Variants in ADAT1 observed in about 807,000 individuals in gnomAD.
The protein encoded by ADAT1 is adenosine deaminase tRNA specific 1.
In ADAT1, 58 loss-of-function variants were observed where a neutral mutation model predicts 58.6. The ratio of observed to expected loss-of-function variants is 0.99; its 90% CI spans 0.80 to 1.23. The LOEUF (loss-of-function observed/expected upper bound fraction) is 1.23, where lower values mean the gene tolerates loss of function less well. ADAT1 is among the 50% of genes most tolerant of loss of function. The pLI is 0.00. For missense variants in ADAT1, 741 were observed against 608.6 expected (o/e 1.22, Z -2.29); for synonymous variants, 254 against 220.8 (o/e 1.15, Z -1.33).
chr16:75,618,720 C>G, intron 3 of ADAT1, 80 bp from the exon 4 acceptor site: 1 of 1,518,986 alleles, frequency 6.6e-7, no homozygotes, highest in Non-Finnish European at 8.9e-7. Context: ...ACACAGCAGT[C>G]CCACCAGCAC....
At chr16:75,616,006 T>G (rs549521751) in intron 5 of ADAT1, among the ~76,000 whole-genome samples, 1 of 146,080 alleles carries the variant, frequency 6.8e-6, no homozygotes, top group Non-Finnish European at 1.5e-5. Flanking sequence ...TTCTCTCTCT[T>G]TTTTTTTTTT....
At chr16:75,601,093 C>T (rs2081217914) in intron 9 of ADAT1, among the ~76,000 whole-genome samples, 1 of 152,218 alleles carries the variant, frequency 6.6e-6, no homozygotes, top group Admixed American at 6.5e-5. Context: ...GTAACCCCAG[C>T]ACTTTGGGAG....
chr16:75,608,271 G>A lies in ADAT1; in HGVS notation c.1242C>T (p.Gly414=), dbSNP rs553627874. 1 of 1,614,104 alleles carries A rather than the reference G, an allele frequency of 6.2e-7. No individual in the cohort carries two copies. The highest frequency in any genetic ancestry group is 1.1e-5 in the South Asian group (1 of 91,078). The part of the protein sequence containing the change: ...PEQPLDVTAN[G]FPQGTTKKTI... ...TTTTCTTTGTTGTTCCCTGTGGAAA[G>A]CCATTGGCAGTAACATCCAAAGGCT... The change falls in exon 8 of 10, where the codon GGC becomes GGT. Residue 414 remains glycine (G), a synonymous_variant. Coordinates refer to ENST00000564657, the MANE Select transcript of ADAT1 (RefSeq NM_001324445.2).
intron 5 of ADAT1, 101 bp downstream of exon 5, chr16:75,617,041 T>C: frequency 7.0e-7 from 1 of 1,437,868 alleles, no homozygotes. Context: ...CTGTGGCTAC[T>C]TCAGCCATTA....
chr16:75,615,936 C>A (rs563427090), intron 5 of ADAT1, among the ~76,000 whole-genome samples: 9 of 152,154 alleles, frequency 5.9e-5, no homozygotes, highest in African/African-American at 1.9e-4. Flanking sequence ...ATGAGTGCTG[C>A]CTACCTGTCA....
intron 5 of ADAT1, among the ~76,000 whole-genome samples, chr16:75,614,119 G>A (rs2081634125): frequency 1.3e-5 from 2 of 152,120 alleles, no homozygotes. Flanking sequence ...GAATCCAGGA[G>A]GTGGAGGTTG....
intron 8 of ADAT1, among the ~76,000 whole-genome samples, chr16:75,605,729 A>C (rs1255470631): frequency 6.6e-6 from 1 of 151,880 alleles, no homozygotes; most frequent in Non-Finnish European, 1.5e-5. Context: ...TGAGGTCAGG[A>C]GTTCAAGACC....
rs1343097974 is a variant in ADAT1 at position 75,611,442 on chromosome 16, G to A, written c.1043+801C>T. Among the ~76,000 whole-genome samples, 4 of 152,030 alleles carry A rather than the reference G, an allele frequency of 2.6e-5. No individual in the cohort carries two copies. In the East Asian group the frequency reaches 5.8e-4, roughly 22 times the overall value. ...GGTCTGTCACCCAGGCTGGAGTGCA[G>A]TGGAATGACCTTGGTTCACTGCAGC... On this transcript the variant is annotated intron_variant, in intron 6 of 9. Coordinates refer to ENST00000564657, the MANE Select transcript of ADAT1 (RefSeq NM_001324445.2).
chr16:75,603,282 C>G (rs764734789), intron 8 of ADAT1, 111 bp from the exon 9 acceptor site: 2 of 883,434 alleles, frequency 2.3e-6, no homozygotes, highest in Non-Finnish European at 3.6e-6. Context: ...TGCCAGAGCC[C>G]CTCATTTTCA....
At chr16:75,608,763 T>C in intron 7 of ADAT1, 80 bp downstream of exon 7, 1 of 1,529,930 alleles carries the variant, frequency 6.5e-7, no homozygotes, top group South Asian at 1.3e-5. Context: ...CTTCCTAGGC[T>C]GGGAGGATGC....
At chr16:75,603,380 G>A (rs1224530675) in intron 8 of ADAT1, among the ~76,000 whole-genome samples, 2 of 152,180 alleles carry the variant, frequency 1.3e-5, no homozygotes, top group South Asian at 2.1e-4. Context: ...AATGCCATCA[G>A]CCATGGGATC....
In ADAT1 at chr16:75,608,918, G is replaced by C; in HGVS notation, c.1114C>G (p.Leu372Val). ...QELKILQSDL[L>V]FEQSRSAVQA... ...ACCGCACTGCGGCTCTGTTCAAATA[G>C]TAAATCTGACTGCAGTATTTTTAAT... Residue 372 changes from leucine to valine, a missense_variant, in exon 7 of 10, where the codon CTA (leucine) becomes GTA (valine). Leu to Val is a conservative substitution (Grantham distance 32). Coordinates refer to ENST00000564657, the MANE Select transcript of ADAT1 (RefSeq NM_001324445.2). 1 of 1,614,206 alleles carries C rather than the reference G, an allele frequency of 6.2e-7. No individual in the cohort carries two copies. The highest frequency in any genetic ancestry group is 8.5e-7 in the Non-Finnish European group (1 of 1,180,040).
chr16:75,600,199 G>C lies in ADAT1; in HGVS notation c.*17C>G, dbSNP rs2081187342. ...TTCAGGATGAAGGGTCCTGCTACCA[G>C]AGCAAACATTTCCTTCTCACTTGAA... On this transcript the variant is annotated 3_prime_UTR_variant, in exon 10 of 10. Transcript: ENST00000564657. 1 of 1,613,830 alleles carries C rather than the reference G, an allele frequency of 6.2e-7. No homozygotes were observed. The highest frequency in any genetic ancestry group is 1.3e-5 in the African/African-American group (1 of 74,940).
At position 75,617,207 on chromosome 16, in the gene ADAT1, GT is replaced by G; in HGVS notation, c.358del (p.Thr120LeufsTer52). On this transcript the variant is annotated frameshift_variant, in exon 5 of 10. Coordinates refer to ENST00000564657, the MANE Select transcript of ADAT1 (RefSeq NM_001324445.2). LOFTEE classifies it high-confidence loss of function. ...LKEDSIFVPG[T>X]QKGVWKLRRD... ...TCTAAGTTTCCACACTCCTTTTTGA[GT>G]TCCTGGGACAAAGATGCTATCCTCT... 6.2e-7 allele frequency: 1 copy of G among 1,614,016 alleles called. No individual in the cohort carries two copies. Among genetic ancestry groups the G allele is most frequent in the Non-Finnish European group, 8.5e-7 (1 of 1,179,888 alleles).
chr16:75,603,945 T>C (rs1484708140), intron 8 of ADAT1, among the ~76,000 whole-genome samples: 1 of 146,034 alleles, frequency 6.8e-6, no homozygotes. Context: ...GTCCAAAATC[T>C]CCCTTACCTG....
chr16:75,615,648 T>C (rs959346148), intron 5 of ADAT1, among the ~76,000 whole-genome samples: 2 of 152,142 alleles, frequency 1.3e-5, no homozygotes, highest in African/African-American at 4.8e-5. Context: ...CATCAGGCTG[T>C]GATCCTCAGA....
At position 75,597,534 on chromosome 16, in the gene ADAT1, G is replaced by GA. The variant is rs2081103209; in HGVS notation, c.*2681dup. The GA allele has an allele frequency of 1.2e-5, 4 of 334,026 alleles. No individual in the cohort carries two copies. The highest frequency in any genetic ancestry group is 1.1e-4 in the Admixed American group (3 of 27,426). 20.7% of individuals were successfully genotyped at this position (334,026 alleles called of 1,614,324 possible). A position where few individuals can be genotyped will look rare whatever the true frequency, so the allele number is the denominator to read the frequency against. On this transcript the variant is annotated 3_prime_UTR_variant, in exon 10 of 10. Transcript: ENST00000564657. Reference sequence around the variant, plus strand: ...AATTTTTCCACAGATCCGGGGTGGGGATAGGGGGATAGTTTCGGGATGACT... The same window carrying GA: ...AATTTTTCCACAGATCCGGGGTGGGGAATAGGGGGATAGTTTCGGGATGACT...
At chr16:75,620,541 C>T in intron 2 of ADAT1, 90 bp downstream of exon 2, 3 of 1,509,674 alleles carry the variant, frequency 2.0e-6, no homozygotes, top group East Asian at 2.3e-5. Context: ...GTAGTTCACA[C>T]CCTACCCACG....
intron 6 of ADAT1, among the ~76,000 whole-genome samples, chr16:75,610,138 T>C (rs1313760141): frequency 1.3e-5 from 2 of 152,242 alleles, no homozygotes; most frequent in Admixed American, 6.5e-5. Flanking sequence ...CAGCATGTAA[T>C]AGTACTTCAG....
Sources: allele counts gnomAD v4.1 joint callset (sites outside exome capture counted in the v4.1 genomes callset), GRCh38; gene constraint gnomAD v4.1.1; transcripts MANE v1.5; gene names NCBI Gene and HGNC (gene_info 2026-07-23, HGNC 2026-07-21).